The following RCOR1 variants were observed in gnomAD, a reference collection of about 807,000 sequenced individuals.
RCOR1 encodes REST corepressor.
Under a neutral mutation model 64.0 loss-of-function variants are expected in RCOR1, and 12 were observed. That is an observed-to-expected ratio of 0.19 (90% CI 0.12 to 0.30). The LOEUF (loss-of-function observed/expected upper bound fraction) is 0.30, where lower values mean the gene tolerates loss of function less well. Ranked by LOEUF, RCOR1 falls within the 10% of genes least tolerant of loss-of-function variation. The pLI, the probability that RCOR1 is intolerant of heterozygous loss-of-function variation, is 1.00. For missense variants in RCOR1, 502 were observed against 621.2 expected, an observed-to-expected ratio of 0.81 and a Z score of 2.04; for synonymous variants, 279 against 227.2, an observed-to-expected ratio of 1.23 and a Z score of -2.05.
At chr14:102,658,458 A>G in intron 2 of RCOR1, 1 of 918,858 alleles carries the variant, frequency 1.1e-6, no homozygotes, top group African/African-American at 1.8e-5. Context: ...ATTGCACTCC[A>G]GGCTGGGTGA....
intron 3 of RCOR1, among the ~76,000 whole-genome samples, chr14:102,684,642 G>C (rs1036773920): frequency 9.9e-5 from 15 of 152,074 alleles, no homozygotes; most frequent in African/African-American, 3.4e-4. Context: ...ATAGATAAAA[G>C]TATAAAGAAT....
chr14:102,722,865 C>A (rs1192271860), intron 11 of RCOR1, among the ~76,000 whole-genome samples: 2 of 152,200 alleles, frequency 1.3e-5, no homozygotes, highest in Non-Finnish European at 2.9e-5. Flanking sequence ...GAGGCCTCTC[C>A]CTGCTGTCCA....
chr14:102,727,805 TC>T lies in RCOR1; in HGVS notation c.*1301del, dbSNP rs1896299453. ...AATTTCTAATAAACATTTTGAGACT[TC>T]CAGAATCACTTTTGTTATCTTATCA... is the stretch of plus-strand genomic sequence containing the variant. On this transcript the variant is annotated 3_prime_UTR_variant, in exon 12 of 12. Transcript: ENST00000262241. The T allele has an allele frequency of 6.6e-6, 1 of 152,176 alleles. No homozygotes were observed. The highest frequency in any genetic ancestry group is 2.1e-4 in the South Asian group (1 of 4,824). The allele number at this position is 152,176 out of a possible 1,614,324, so 9.4% of individuals were successfully genotyped here. A position where few individuals can be genotyped will look rare whatever the true frequency, so the allele number is the denominator to read the frequency against.
chr14:102,633,665 T>C (rs1894173594), intron 2 of RCOR1, among the ~76,000 whole-genome samples: 1 of 152,122 alleles, frequency 6.6e-6, no homozygotes, highest in Non-Finnish European at 1.5e-5. Context: ...TCAGCCTTCT[T>C]AGTAGCTGGA....
intron 2 of RCOR1, among the ~76,000 whole-genome samples, chr14:102,671,181 G>T (rs1409923366): frequency 6.6e-6 from 1 of 152,122 alleles, no homozygotes; most frequent in Non-Finnish European, 1.5e-5. Flanking sequence ...TCTCTTTCTT[G>T]TGTTCATCTT....
chr14:102,655,756 C>T (rs1894709057), intron 2 of RCOR1, among the ~76,000 whole-genome samples: 1 of 152,034 alleles, frequency 6.6e-6, no homozygotes, highest in African/African-American at 2.4e-5. Context: ...AGTTAAAGAC[C>T]AGCCTGGCCA....
At chr14:102,644,169 A>G (rs1408155846) in intron 2 of RCOR1, among the ~76,000 whole-genome samples, 1 of 152,178 alleles carries the variant, frequency 6.6e-6, no homozygotes, top group African/African-American at 2.4e-5. Flanking sequence ...GTGTCTCAGC[A>G]TGGGCTGATT....
intron 2 of RCOR1, among the ~76,000 whole-genome samples, chr14:102,633,550 T>C (rs999518036): frequency 1.3e-5 from 2 of 152,054 alleles, no homozygotes; most frequent in Non-Finnish European, 2.9e-5. Flanking sequence ...TTTTTTTCTT[T>C]TCTCTTTGAG....
Position 102,712,350 on chromosome 14 carries a change from G to GT in RCOR1, c.858+1348dup, listed in dbSNP as rs911421517. ...GGCACATGCCACCACGCCCTGCTAG[G>GT]TTTTTTTTTTTGTATTTTTAGTAGA... On this transcript the variant is annotated intron_variant, in intron 7 of 11. Transcript: ENST00000262241. Among the ~76,000 whole-genome samples, 399 of 145,034 alleles carry GT rather than the reference G, an allele frequency of 2.8e-3. 1 individual carries two copies. The highest frequency in any genetic ancestry group is 4.7e-3 in the African/African-American group (189 of 39,816).
Position 102,593,097 on chromosome 14 carries a change from A to G in RCOR1, c.211A>G (p.Lys71Glu), listed in dbSNP as rs1421642347. The change falls in exon 1 of 12, where the codon AAA (lysine) becomes GAA (glutamate). Residue 71 changes from lysine (K) to glutamate (E), a missense_variant. By Grantham distance (56) the Lys-to-Glu change is moderately conservative. Around this residue, in one of 2 missense-constraint regions of RCOR1, gnomAD observed 242 missense variants for 204.9 expected, o/e 1.18. Transcript: ENST00000262241. ...CGCCGCCCCCAATAATGGCCAGAAT[A>G]AAAGTTTGGCGGCGGCGGCGCCCAA... ...AAAAPNNGQN[K>E]SLAAAAPNGN... is the part of the protein sequence containing the mutation. The G allele has an allele frequency of 6.7e-7, 1 of 1,493,442 alleles. No homozygotes were observed. Among genetic ancestry groups the G allele is most frequent in the South Asian group, 1.3e-5 (1 of 78,444 alleles). The allele number at this position is 1,493,442 out of a possible 1,614,324, so 92.5% of individuals were successfully genotyped here. A position where few individuals can be genotyped will look rare whatever the true frequency, so the allele number is the denominator to read the frequency against.
chr14:102,686,474 C>T (rs1259133607), intron 3 of RCOR1, among the ~76,000 whole-genome samples: 1 of 152,158 alleles, frequency 6.6e-6, no homozygotes, highest in Non-Finnish European at 1.5e-5. Context: ...TCATAGTTTA[C>T]ATTAAGCTTC....
chr14:102,613,733 T>G (rs1261124633), intron 2 of RCOR1, among the ~76,000 whole-genome samples: 1 of 151,616 alleles, frequency 6.6e-6, no homozygotes, highest in Non-Finnish European at 1.5e-5. Flanking sequence ...CTTTTTTTTT[T>G]TTTTAAAGAG....
At chr14:102,679,254 A>G (rs1055317231) in intron 2 of RCOR1, among the ~76,000 whole-genome samples, 1 of 152,118 alleles carries the variant, frequency 6.6e-6, no homozygotes, top group African/African-American at 2.4e-5. Flanking sequence ...TCAGTTTTAC[A>G]CTTAGTTCTG....
chr14:102,672,039 C>G (rs985701833), intron 2 of RCOR1, among the ~76,000 whole-genome samples: 6 of 152,164 alleles, frequency 3.9e-5, no homozygotes, highest in African/African-American at 1.2e-4. Context: ...AAAGTTCTGT[C>G]ATATAGACAT....
At chr14:102,630,662 TAAG>T (rs1029999103) in intron 2 of RCOR1, among the ~76,000 whole-genome samples, 1 of 152,152 alleles carries the variant, frequency 6.6e-6, no homozygotes, top group African/African-American at 2.4e-5. Context: ...ATCCAGAAGA[TAAG>T]AAGGGTAGTG....
At chr14:102,631,369 A>G in intron 2 of RCOR1, among the ~76,000 whole-genome samples, 1 of 143,988 alleles carries the variant, frequency 6.9e-6, no homozygotes, top group Non-Finnish European at 1.5e-5. Context: ...TGCCCAGCTA[A>G]TTTTTTTTTT....
chr14:102,691,966 A>G lies in RCOR1; in HGVS notation c.446-9312A>G, dbSNP rs78582688. Among the ~76,000 whole-genome samples the G allele has an allele frequency of 9.3e-3, 1,417 of 152,312 alleles. 24 individuals carry two copies. The highest frequency in any genetic ancestry group is 0.032 in the African/African-American group (1,341 of 41,558). On this transcript the variant is annotated intron_variant, in intron 3 of 11. Coordinates refer to ENST00000262241, the MANE Select transcript of RCOR1 (RefSeq NM_015156.4). ...GAGAGATCAGTGCCAAATTATTTTC[A>G]AAGTGGTCAAACTGGTTTACACTGC...
At chr14:102,612,032 C>A (rs1893644074) in intron 2 of RCOR1, among the ~76,000 whole-genome samples, 1 of 150,410 alleles carries the variant, frequency 6.6e-6, no homozygotes, top group South Asian at 2.1e-4. Context: ...CTTGAAGACT[C>A]CAGGGTTCAA....
At chr14:102,678,019 C>T (rs1324211378) in intron 2 of RCOR1, among the ~76,000 whole-genome samples, 24 of 149,152 alleles carry the variant, frequency 1.6e-4, no homozygotes, top group African/African-American at 5.9e-4. Flanking sequence ...GCCAACACAG[C>T]AAAACCCCGT....
Sources: allele counts gnomAD v4.1 joint callset (sites outside exome capture counted in the v4.1 genomes callset), GRCh38; gene constraint gnomAD v4.1.1; regional missense constraint gnomAD v4.1.1; transcripts MANE v1.5; gene names NCBI Gene and HGNC (gene_info 2026-07-23, HGNC 2026-07-21).